The following FHIT variants were observed in gnomAD, a reference collection of about 807,000 sequenced individuals.
FHIT encodes the protein bis(5'-adenosyl)-triphosphatase.
A neutral mutation model predicts 17.9 loss-of-function variants in FHIT; 19 were observed. The observed-to-expected ratio is 1.06, with a 90% CI of 0.74 to 1.56. FHIT has a LOEUF of 1.56. Among genes scored for constraint, FHIT ranks in the 40% most tolerant of loss-of-function variants. The pLI is 0.00. For synonymous variants in FHIT, 81 were observed against 69.7 expected, an observed-to-expected ratio of 1.16 and a Z score of -0.81; for missense variants, 248 against 189.2, an observed-to-expected ratio of 1.31 and a Z score of -1.82.
chr3:59,864,816 A>T (rs1422368257), intron 8 of FHIT, among the ~76,000 whole-genome samples: 2 of 123,628 alleles, frequency 1.6e-5, no homozygotes, highest in East Asian at 4.8e-4. Flanking sequence ...TTCTGAAATT[A>T]TATGAAAGAG....
At chr3:60,842,403 T>G (rs1007826970) in intron 3 of FHIT, among the ~76,000 whole-genome samples, 1 of 151,606 alleles carries the variant, frequency 6.6e-6, no homozygotes, top group East Asian at 1.9e-4. Context: ...AATGACACCC[T>G]AAAACATGCT....
intron 4 of FHIT, among the ~76,000 whole-genome samples, chr3:60,787,409 T>C (rs1366224115): frequency 6.6e-6 from 1 of 152,154 alleles, no homozygotes; most frequent in Admixed American, 6.5e-5. Context: ...TGTCACATGC[T>C]CTAATAGTGT....
At chr3:60,342,460 C>T (rs1270413750) in intron 5 of FHIT, among the ~76,000 whole-genome samples, 1 of 152,290 alleles carries the variant, frequency 6.6e-6, no homozygotes, top group Middle Eastern at 3.4e-3. Flanking sequence ...ACCTATTTAA[C>T]ATAAAATTTA....
chr3:60,917,395 T>A (rs954343632), intron 3 of FHIT, among the ~76,000 whole-genome samples: 1 of 152,242 alleles, frequency 6.6e-6, no homozygotes, highest in Non-Finnish European at 1.5e-5. Flanking sequence ...GCCTCTTCTT[T>A]ACACAGCAGC....
intron 3 of FHIT, among the ~76,000 whole-genome samples, chr3:60,926,712 A>C (rs1707636325): frequency 6.6e-6 from 1 of 152,224 alleles, no homozygotes; most frequent in Non-Finnish European, 1.5e-5. Flanking sequence ...ATCAGAGCAG[A>C]ACTGAAGGAG....
At chr3:60,822,189 T>G (rs11130785) in intron 3 of FHIT, among the ~76,000 whole-genome samples, 178 bp from the exon 4 acceptor site, 50,379 of 152,032 alleles carry the variant, frequency 0.33, 8,882 homozygotes, top group Middle Eastern at 0.41. Context: ...ATCTGTACAT[T>G]GGAGACTGTG....
chr3:60,606,434 T>C (rs2038611232), intron 4 of FHIT, among the ~76,000 whole-genome samples: 1 of 151,962 alleles, frequency 6.6e-6, no homozygotes, highest in African/African-American at 2.4e-5. Context: ...AGAGATGGGG[T>C]TTCACCATGT....
intron 4 of FHIT, among the ~76,000 whole-genome samples, chr3:60,625,892 A>G (rs1013028792): frequency 1.3e-5 from 2 of 152,218 alleles, no homozygotes; most frequent in African/African-American, 4.8e-5. Context: ...TTTGAGGCCA[A>G]GATTCATTTT....
intron 1 of FHIT, among the ~76,000 whole-genome samples, chr3:61,237,161 A>G (rs1329875246): frequency 6.6e-6 from 1 of 152,208 alleles, no homozygotes; most frequent in Admixed American, 6.5e-5. Context: ...TCGTACAGAA[A>G]GTTTTTTAAA....
intron 3 of FHIT, among the ~76,000 whole-genome samples, chr3:60,959,935 A>G (rs924310359): frequency 2.0e-5 from 3 of 151,660 alleles, no homozygotes; most frequent in East Asian, 3.9e-4. Flanking sequence ...TGCTTTTGCA[A>G]TTACAACAAC....
rs116061041 is a variant in FHIT, at chr3:60,953,355, C to T, written c.-111+88692G>A. On this transcript the variant is annotated intron_variant, in intron 3 of 9. Transcript: ENST00000492590. ...TAAGAATGTCCAAGCCTTCCTCCTT[C>T]CAAGGCTCGAACTGGATTCCAACTA... Among the ~76,000 whole-genome samples, 392 of 152,266 alleles carry T rather than the reference C, an allele frequency of 2.6e-3. 5 individuals are homozygous for T. The highest frequency in any genetic ancestry group is 0.011 in the Admixed American group (173 of 15,294).
chr3:60,298,530 G>A (rs1027887112), intron 5 of FHIT, among the ~76,000 whole-genome samples: 1 of 152,142 alleles, frequency 6.6e-6, no homozygotes, highest in Non-Finnish European at 1.5e-5. Context: ...GTAGCGGTGA[G>A]AGTCACCATC....
intron 4 of FHIT, among the ~76,000 whole-genome samples, chr3:60,796,775 T>A (rs1334665701): frequency 2.0e-5 from 3 of 152,212 alleles, no homozygotes; most frequent in African/African-American, 7.2e-5. Context: ...AGAAACAACG[T>A]TTCACCATGT....
At chr3:60,482,976 T>TA (rs1295032961) in intron 5 of FHIT, among the ~76,000 whole-genome samples, 1 of 150,304 alleles carries the variant, frequency 6.7e-6, no homozygotes, top group African/African-American at 2.4e-5. Flanking sequence ...ATACACACAA[T>TA]AAAAAAATGA....
At chr3:59,985,459 C>T (rs1481986436) in intron 7 of FHIT, among the ~76,000 whole-genome samples, 1 of 152,032 alleles carries the variant, frequency 6.6e-6, no homozygotes, top group Non-Finnish European at 1.5e-5. Context: ...ACCAGTTATC[C>T]CTATTCCAAA....
intron 5 of FHIT, among the ~76,000 whole-genome samples, chr3:60,253,723 C>G (rs1203531652): frequency 3.9e-5 from 6 of 152,184 alleles, no homozygotes; most frequent in Admixed American, 1.3e-4. Context: ...CAATTTCATT[C>G]TGAAAACTAA....
chr3:59,863,503 G>C (rs1162328095), intron 8 of FHIT, among the ~76,000 whole-genome samples: 2 of 152,146 alleles, frequency 1.3e-5, no homozygotes, highest in East Asian at 3.9e-4. Flanking sequence ...CATCACATCT[G>C]TAATTATTTC....
chr3:60,958,495 A>T (rs543965580), intron 3 of FHIT, among the ~76,000 whole-genome samples: 1 of 152,342 alleles, frequency 6.6e-6, no homozygotes, highest in East Asian at 1.9e-4. Context: ...GTTCTTTAGC[A>T]ATTATTAAAG....
chr3:60,539,872 A>G (rs2036124746), intron 4 of FHIT, among the ~76,000 whole-genome samples: 1 of 152,090 alleles, frequency 6.6e-6, no homozygotes, highest in South Asian at 2.1e-4. Flanking sequence ...GCACACCAAC[A>G]TGGTACATGT....
Sources: gnomAD v4.1 joint callset for allele counts (sites outside exome capture counted in the v4.1 genomes callset) on GRCh38, gnomAD v4.1.1 for gene constraint, MANE v1.5 for transcripts, NCBI Gene and HGNC (gene_info 2026-07-23, HGNC 2026-07-21) for gene names.